CPLANE1: variants seen among roughly 807,000 people sequenced by gnomAD.
CPLANE1 encodes ciliogenesis and planar polarity effector complex subunit 1.
In CPLANE1, 263 loss-of-function variants were observed where a neutral mutation model predicts 362.5. The observed-to-expected ratio is 0.73, with a 90% CI of 0.66 to 0.80. The LOEUF is 0.80. CPLANE1 is among the 30% of genes least tolerant of loss of function. CPLANE1 has a pLI of 0.00. For missense variants in CPLANE1, 3,461 were observed against 3,793.4 expected (o/e 0.91, Z 2.30); for synonymous variants, 1,212 against 1,302.6 (o/e 0.93, Z 1.50).
chr5:37,099,302 G>A, the CPLANE1 span, among the ~76,000 whole-genome samples: 1 of 152,018 alleles, frequency 6.6e-6, no homozygotes, highest in Non-Finnish European at 1.5e-5. Context: ...CTCCTGACAG[G>A]CCCCAGTGCG....
At chr5:37,102,490 T>C (rs1042019079), downstream of CPLANE1, among the ~76,000 whole-genome samples, 3 of 152,096 alleles carry the variant, frequency 2.0e-5, no homozygotes, top group Admixed American at 2.0e-4. Flanking sequence ...GCCTGGCCTC[T>C]AGTTTAGTTG....
chr5:37,115,648 G>A (rs1256899935), intron 50 of CPLANE1, among the ~76,000 whole-genome samples: 2 of 143,260 alleles, frequency 1.4e-5, no homozygotes, highest in Non-Finnish European at 3.0e-5. Flanking sequence ...CCAGGCTGCA[G>A]TACAGTGGCG....
In CPLANE1 at chr5:37,161,045, G is replaced by A. The variant is rs376570323; in HGVS notation, c.7690+1420C>T. Among the ~76,000 whole-genome samples, 57 of 152,284 alleles carry A rather than the reference G, an allele frequency of 3.7e-4. 2 individuals carry two copies. In the South Asian group the frequency reaches 0.012, roughly 31 times the overall value. On this transcript the variant is annotated intron_variant, in intron 38 of 52. Transcript: ENST00000651892. Reference sequence around the variant, plus strand: ...CTAAATCACAGTAATAACCAAAAAAGTCTCTTATGCAGGAAGATACTCATT... The same window carrying A: ...CTAAATCACAGTAATAACCAAAAAAATCTCTTATGCAGGAAGATACTCATT...
the CPLANE1 span, chr5:37,085,887 A>G: frequency 1.1e-6 from 1 of 870,848 alleles, no homozygotes. Flanking sequence ...ATCTTTGTAC[A>G]TAATTAAAAA....
chr5:37,170,878 C>G (rs549426648), intron 32 of CPLANE1, among the ~76,000 whole-genome samples: 82 of 152,256 alleles, frequency 5.4e-4, no homozygotes, highest in South Asian at 2.9e-3. Flanking sequence ...GGAGGTTACA[C>G]TGAGCCAAGA....
At chr5:37,143,670 ACACC>A (rs1486041801) in intron 43 of CPLANE1, among the ~76,000 whole-genome samples, 1 of 152,236 alleles carries the variant, frequency 6.6e-6, no homozygotes, top group Non-Finnish European at 1.5e-5. Flanking sequence ...ACAGTGGTTC[ACACC>A]TGTAATCCCA....
downstream of CPLANE1, among the ~76,000 whole-genome samples, chr5:37,104,736 T>A (rs1303891902): frequency 6.8e-6 from 1 of 148,024 alleles, no homozygotes; most frequent in Non-Finnish European, 1.5e-5. Context: ...TGAAACCCCA[T>A]CTCTACTTAA....
In CPLANE1 at chr5:37,201,835, T is replaced by C. The variant is rs183755012; in HGVS notation, c.3290-27A>G. On this transcript the variant is annotated intron_variant, in intron 18 of 52. Transcript: ENST00000651892. Reference sequence around the variant, plus strand: ...TATCAAATACAAAAATTTGGTAAAATAGTTAAAGCTTGTATTAAACTTCTT... The same window carrying C: ...TATCAAATACAAAAATTTGGTAAAACAGTTAAAGCTTGTATTAAACTTCTT... 1.2e-3 allele frequency: 1,863 copies of C among 1,505,536 alleles called. 15 individuals are homozygous for C. The African/African-American group carries it at 0.022, about 18-fold the overall frequency. 93.3% of individuals were successfully genotyped at this position (1,505,536 alleles called of 1,614,324 possible).
chr5:37,182,978 A>C lies in CPLANE1; in HGVS notation c.5203T>G (p.Leu1735Val), dbSNP rs369286097. Residue 1735 changes from leucine (L) to valine (V), a missense_variant, in exon 26 of 53, where the codon TTA becomes GTA. Leu to Val is a conservative substitution (Grantham distance 32). This residue lies in a region of CPLANE1 where 3,380 missense variants were observed against 3,666.1 expected (regional missense o/e 0.92). Transcript: ENST00000651892. ...NDINPQEDLP[L>V]ALNTFGSIGR... ...ATACTGCCAAAAGTGTTTAGTGCTA[A>C]AGGAAGATCTTCTTGAGGGTTAATA... The C allele has an allele frequency of 3.3e-5, 53 of 1,609,088 alleles. No homozygotes were observed. Among genetic ancestry groups the C allele is most frequent in the Admixed American group, 5.1e-5 (3 of 59,358 alleles).
chr5:37,164,123 C>A, intron 37 of CPLANE1, 150 bp downstream of exon 37: 1 of 583,318 alleles, frequency 1.7e-6, no homozygotes, highest in South Asian at 2.6e-5. Context: ...ATTATCAAAC[C>A]TGAGTTGAGG....
rs374631246 is a variant in CPLANE1, at chr5:37,182,805, T to G, written c.5376A>C (p.Glu1792Asp). Residue 1792 changes from glutamate (E) to aspartate (D), a missense_variant, in exon 26 of 53, where the codon GAA (glutamate) becomes GAC (aspartate). Physicochemically the swap from Glu to Asp is conservative, Grantham distance 45. Coordinates refer to ENST00000651892, the MANE Select transcript of CPLANE1 (RefSeq NM_001384732.1). ...CCTTATATGTAGCAAAATAGGGTTG[T>G]TCCAAAAGCCATAATGATGTAAGAA... The part of the protein sequence containing the change: ...AAILTSLWLL[E>D]QPYFATYKAK... The G allele has an allele frequency of 3.7e-6, 6 of 1,613,544 alleles. No homozygotes were observed. The African/African-American group carries it at 8.0e-5, about 22-fold the overall frequency.
intron 18 of CPLANE1, among the ~76,000 whole-genome samples, chr5:37,204,932 G>A (rs947851928): frequency 3.9e-5 from 6 of 152,180 alleles, no homozygotes; most frequent in Non-Finnish European, 8.8e-5. Context: ...CAAAGCAGGC[G>A]GATCACCTGA....
chr5:37,146,648 T>C (rs1174929879), intron 43 of CPLANE1, among the ~76,000 whole-genome samples: 1 of 152,116 alleles, frequency 6.6e-6, no homozygotes. Context: ...AATAATGTGC[T>C]GTCTGGGTTT....
intron 36 of CPLANE1, 151 bp from the exon 37 acceptor site, chr5:37,164,478 C>A (rs1777725305): frequency 1.6e-6 from 1 of 606,994 alleles, no homozygotes; most frequent in Non-Finnish European, 3.0e-6. Flanking sequence ...ATTATTTACT[C>A]TATCAAAGTA....
Position 37,209,232 on chromosome 5 carries a change from AC to A in CPLANE1, c.2921-2808del. On this transcript the variant is annotated intron_variant, in intron 16 of 52. Transcript: ENST00000651892. This position sits in a 1 kb window ranked among gnomAD's most constrained non-coding sequence, Gnocchi z 4.6. The stretch of plus-strand genomic sequence containing the variant: ...GCGTTCAGCACCCTTGTTCCTCCCG[AC>A]CCCTCAGGACAGAAGCAGGGCTCTG... 1.6e-6 allele frequency: 1 copy of A among 608,242 alleles called. No homozygotes were observed. Among genetic ancestry groups the A allele is most frequent in the Non-Finnish European group, 3.0e-6 (1 of 336,300 alleles). The allele number at this position is 608,242 out of a possible 1,614,324, so 37.7% of individuals were successfully genotyped here. A position where few individuals can be genotyped will look rare whatever the true frequency, so the allele number is the denominator to read the frequency against.
intron 51 of CPLANE1, 28 bp downstream of exon 51, chr5:37,114,932 T>G: frequency 7.2e-7 from 1 of 1,387,888 alleles, no homozygotes; most frequent in South Asian, 1.2e-5. Context: ...GTATTAAGTC[T>G]AAAAACTTTA....
At chr5:37,169,780 A>C (rs1400171509) in intron 33 of CPLANE1, among the ~76,000 whole-genome samples, 1 of 151,730 alleles carries the variant, frequency 6.6e-6, no homozygotes, top group Non-Finnish European at 1.5e-5. Context: ...AGGCTGGAGT[A>C]CAGTGACATG....
intron 30 of CPLANE1, 51 bp downstream of exon 30, chr5:37,177,570 C>T (rs759112104): frequency 3.0e-6 from 4 of 1,336,108 alleles, no homozygotes; most frequent in Non-Finnish European, 1.1e-6. Context: ...AAGCTGAAAG[C>T]TTCACTGAGG....
rs1408591861 is a variant in CPLANE1 at position 37,183,656 on chromosome 5, T to C, written c.4525A>G (p.Thr1509Ala). The C allele has an allele frequency of 2.5e-6, 4 of 1,607,908 alleles. No individual in the cohort carries two copies. Among genetic ancestry groups the C allele is most frequent in the Non-Finnish European group, 3.4e-6 (4 of 1,178,350 alleles). ...TGATTACACATTTTCCTTTTATCAG[T>C]TGGCTTATGAATTGATGTTAATTCC... ...HMELTSIHKP[T>A]DKRKMCNQKE... The change falls in exon 26 of 53, where the codon ACT (threonine) becomes GCT (alanine). Residue 1509 changes from threonine to alanine, a missense_variant. Thr to Ala is a moderately conservative substitution (Grantham distance 58). Transcript: ENST00000651892.
Sources: allele counts gnomAD v4.1 joint callset (sites outside exome capture counted in the v4.1 genomes callset), GRCh38; gene constraint gnomAD v4.1.1; regional missense constraint gnomAD v4.1.1; non-coding constraint Gnocchi (gnomAD v3.1); transcripts MANE v1.5; gene names NCBI Gene and HGNC (gene_info 2026-07-23, HGNC 2026-07-21).